PARVB: variants seen among roughly 807,000 people sequenced by gnomAD.
PARVB encodes the protein parvin beta.
Under a neutral mutation model 47.0 loss-of-function variants are expected in PARVB, and 46 were observed. The observed-to-expected ratio is 0.98, with a 90% CI of 0.77 to 1.25. PARVB has a LOEUF of 1.25. PARVB is among the 50% of genes most tolerant of loss of function. PARVB has a pLI of 0.00. For synonymous variants in PARVB, 196 were observed against 196.3 expected (o/e 1.00, Z 0.01); for missense variants, 473 against 471.6 (o/e 1.00, Z -0.03).
chr22:44,037,142 T>C (rs549638721), intron 1 of PARVB, among the ~76,000 whole-genome samples: 1 of 151,890 alleles, frequency 6.6e-6, no homozygotes, highest in African/African-American at 2.4e-5. Flanking sequence ...GGCAATATAG[T>C]GAGACCTCGT....
chr22:44,076,485 C>G (rs970093659), intron 1 of PARVB, among the ~76,000 whole-genome samples: 1 of 152,192 alleles, frequency 6.6e-6, no homozygotes, highest in Admixed American at 6.5e-5. Context: ...CCCAGGGGTT[C>G]TGGTAAGATA....
At chr22:44,104,478 G>A (rs1041862449) in intron 3 of PARVB, 1 of 152,662 alleles carries the variant, frequency 6.6e-6, no homozygotes, top group Non-Finnish European at 1.5e-5. Flanking sequence ...GGCAGCAGGT[G>A]AGTTGGCTAT....
At chr22:44,163,243 G>T (rs1211039844) in intron 11 of PARVB, among the ~76,000 whole-genome samples, 3 of 152,190 alleles carry the variant, frequency 2.0e-5, no homozygotes, top group Admixed American at 2.0e-4. Flanking sequence ...GCTGAGGCGG[G>T]TGGATCATTT....
intron 6 of PARVB, among the ~76,000 whole-genome samples, chr22:44,134,595 G>A (rs919118011): frequency 1.4e-4 from 22 of 152,180 alleles, no homozygotes; most frequent in Non-Finnish European, 1.5e-5. Context: ...GAATGAAACG[G>A]GAGCAGGGGG....
chr22:44,100,080 A>AC lies in PARVB; in HGVS notation c.234dup (p.Thr79HisfsTer20). 1 of 1,613,970 alleles carries AC rather than the reference A, an allele frequency of 6.2e-7. No homozygotes were observed. The highest frequency in any genetic ancestry group is 8.5e-7 in the Non-Finnish European group (1 of 1,179,956). On this transcript the variant is annotated frameshift_variant, in exon 3 of 13. Transcript: ENST00000338758. LOFTEE classifies it high-confidence loss of function. ...GAGAACGAGGAGCGCACGATGATTG[A>AC]CCCCACTTCCAAGGAAGACCCCAAG...
chr22:44,077,033 G>A (rs1482372107), intron 1 of PARVB, among the ~76,000 whole-genome samples: 1 of 152,168 alleles, frequency 6.6e-6, no homozygotes, highest in South Asian at 2.1e-4. Flanking sequence ...TGCCTGCCCG[G>A]GGCCAAGCAG....
chr22:44,086,226 A>G (rs1243713542), intron 1 of PARVB, among the ~76,000 whole-genome samples: 1 of 152,220 alleles, frequency 6.6e-6, no homozygotes, highest in African/African-American at 2.4e-5. Context: ...ACAAGGGCCC[A>G]CATCCATTTC....
intron 2 of PARVB, among the ~76,000 whole-genome samples, chr22:44,094,992 AG>A (rs1332531441): frequency 6.6e-6 from 1 of 151,344 alleles, no homozygotes; most frequent in East Asian, 1.9e-4. Flanking sequence ...CCCCAGGGCC[AG>A]GGGAGATTAG....
chr22:44,014,558 TTC>T (rs1317399568), intron 2 of PARVB, among the ~76,000 whole-genome samples: 2 of 152,242 alleles, frequency 1.3e-5, no homozygotes, highest in African/African-American at 4.8e-5. Context: ...TCTCATTAAA[TTC>T]TCTCTTTTTA....
intron 1 of PARVB, among the ~76,000 whole-genome samples, chr22:44,041,406 C>T (rs1009388627): frequency 3.9e-5 from 6 of 151,946 alleles, no homozygotes; most frequent in Non-Finnish European, 7.4e-5. Flanking sequence ...GCAGGAGAAT[C>T]GCTTGAACCC....
chr22:44,003,848 G>T (rs769072060), intron 2 of PARVB, among the ~76,000 whole-genome samples: 4 of 152,182 alleles, frequency 2.6e-5, no homozygotes, highest in Non-Finnish European at 5.9e-5. Context: ...TAGCCCCAGA[G>T]GTCCCACAGC....
At chr22:44,084,271 G>A (rs1221849339) in intron 1 of PARVB, among the ~76,000 whole-genome samples, 1 of 152,224 alleles carries the variant, frequency 6.6e-6, no homozygotes, top group Non-Finnish European at 1.5e-5. Context: ...GCTTTGTCCT[G>A]GGATGCCTGC....
chr22:44,084,109 G>T (rs1250111460), intron 1 of PARVB, among the ~76,000 whole-genome samples: 2 of 152,196 alleles, frequency 1.3e-5, no homozygotes, highest in Non-Finnish European at 2.9e-5. Flanking sequence ...ATGATGGGAC[G>T]GCTTCAACCT....
chr22:44,036,684 TA>T (rs2050928346), intron 1 of PARVB, among the ~76,000 whole-genome samples: 1 of 152,142 alleles, frequency 6.6e-6, no homozygotes, highest in Non-Finnish European at 1.5e-5. Flanking sequence ...ATAAGTTTAA[TA>T]GAAGGAGTGC....
chr22:44,129,442 G>A (rs1247550782), intron 4 of PARVB, among the ~76,000 whole-genome samples: 2 of 152,220 alleles, frequency 1.3e-5, no homozygotes, highest in African/African-American at 2.4e-5. Context: ...CCTGGGTGAC[G>A]TGGCCATGTT....
intron 1 of PARVB, among the ~76,000 whole-genome samples, chr22:44,035,166 T>C (rs1389459587): frequency 6.6e-6 from 1 of 152,000 alleles, no homozygotes; most frequent in African/African-American, 2.4e-5. Context: ...GGAAAGAAAA[T>C]GTTATTAGGA....
chr22:44,062,774 G>A (rs73181220), intron 1 of PARVB, among the ~76,000 whole-genome samples: 3,106 of 152,338 alleles, frequency 0.02, 61 homozygotes, highest in South Asian at 0.035. Flanking sequence ...CCCAGCACAG[G>A]AGCTTCTGTT....
intron 2 of PARVB, among the ~76,000 whole-genome samples, chr22:44,011,495 C>T (rs989837250): frequency 3.3e-5 from 5 of 152,048 alleles, no homozygotes; most frequent in African/African-American, 1.2e-4. Context: ...CCTGTAATCC[C>T]AGCTGCTCGG....
At chr22:44,056,992 TGG>T (rs2051325911) in intron 1 of PARVB, among the ~76,000 whole-genome samples, 1 of 12,378 alleles carries the variant, frequency 8.1e-5, no homozygotes, top group Non-Finnish European at 1.5e-4. Flanking sequence ...GAGCTGGGGG[TGG>T]AGCTGGGGGC....
Sources: allele counts gnomAD v4.1 joint callset (sites outside exome capture counted in the v4.1 genomes callset), GRCh38; gene constraint gnomAD v4.1.1; transcripts MANE v1.5; gene names NCBI Gene and HGNC (gene_info 2026-07-23, HGNC 2026-07-21).